Variants in REV1 observed in about 807,000 individuals in gnomAD.
The protein encoded by REV1 is REV1 DNA directed polymerase, also known as translesion synthesis protein REV1.
In REV1, 42 loss-of-function variants were observed where a neutral mutation model predicts 137.4. That is an observed-to-expected ratio of 0.31 (90% confidence interval 0.24 to 0.40). The LOEUF (loss-of-function observed/expected upper bound fraction) is 0.40. REV1 is among the 10% of genes least tolerant of loss of function. The probability of loss-of-function intolerance (pLI) is 1.00; values close to 1 mark genes in which losing one functional copy is unlikely to be tolerated. For synonymous variants in REV1, 524 were observed against 519.2 expected (o/e 1.01, Z -0.12); for missense variants, 1,282 against 1,490.1 (o/e 0.86, Z 2.30).
Position 99,400,759 on chromosome 2 carries a change from A to G in REV1, c.*482T>C, listed in dbSNP as rs1675268784. 6.5e-6 allele frequency: 1 copy of G among 152,690 alleles called. No individual in the cohort carries two copies. Among genetic ancestry groups the G allele is most frequent in the African/African-American group, 2.4e-5 (1 of 41,458 alleles). 9.5% of individuals were successfully genotyped at this position (152,690 alleles called of 1,614,324 possible). On this transcript the variant is annotated 3_prime_UTR_variant, in exon 23 of 23. Coordinates refer to ENST00000258428, the MANE Select transcript of REV1 (RefSeq NM_016316.4). ...AACATGCTCCTGTGTTCATGCTTGG[A>G]GACAAGAATAAGATGGTTTAGAAGC...
At chr2:99,430,005 T>G in intron 8 of REV1, 57 bp from the exon 9 acceptor site, 1 of 1,084,514 alleles carries the variant, frequency 9.2e-7, no homozygotes, top group Non-Finnish European at 1.3e-6. Flanking sequence ...TTCCCTCACT[T>G]TTTCAAGAAA....
chr2:99,463,155 A>G (rs1027695379), intron 2 of REV1, among the ~76,000 whole-genome samples: 1 of 152,114 alleles, frequency 6.6e-6, no homozygotes, highest in Non-Finnish European at 1.5e-5. Flanking sequence ...TTTTCCCTCT[A>G]TCAACTCAAG....
intron 1 of REV1, among the ~76,000 whole-genome samples, chr2:99,489,586 G>A (rs1575285252): frequency 6.7e-6 from 1 of 148,922 alleles, no homozygotes; most frequent in South Asian, 2.1e-4. Context: ...GGGGAGGGGA[G>A]GTCACACATT....
intron 1 of REV1, among the ~76,000 whole-genome samples, chr2:99,481,170 AAT>A (rs1445884484): frequency 1.3e-5 from 2 of 152,196 alleles, no homozygotes; most frequent in African/African-American, 4.8e-5. Context: ...CCTACCCATA[AAT>A]ATCTCACTTC....
intron 1 of REV1, among the ~76,000 whole-genome samples, chr2:99,474,495 T>C (rs1004115969): frequency 2.0e-5 from 3 of 152,214 alleles, no homozygotes; most frequent in Admixed American, 6.5e-5. Context: ...AGATGCTTCT[T>C]CACCAGGTAA....
intron 9 of REV1, among the ~76,000 whole-genome samples, chr2:99,425,295 G>T (rs1679194777): frequency 6.6e-6 from 1 of 152,214 alleles, no homozygotes; most frequent in African/African-American, 2.4e-5. Context: ...AGCAGTAGAT[G>T]CAAAATCACA....
At chr2:99,422,618 T>C (rs909756688) in intron 10 of REV1, among the ~76,000 whole-genome samples, 1 of 152,214 alleles carries the variant, frequency 6.6e-6, no homozygotes, top group African/African-American at 2.4e-5. Context: ...GTATTTTGCT[T>C]CAGAGTGAAA....
At chr2:99,419,205 ATT>A (rs774732084) in intron 11 of REV1, among the ~76,000 whole-genome samples, 44 of 115,992 alleles carry the variant, frequency 3.8e-4, no homozygotes, top group African/African-American at 4.9e-4. Context: ...AGCAGTCCTG[ATT>A]TTTTTTTTTT....
intron 4 of REV1, among the ~76,000 whole-genome samples, chr2:99,443,201 A>T (rs1490100161): frequency 1.3e-5 from 2 of 152,246 alleles, no homozygotes; most frequent in Non-Finnish European, 2.9e-5. Flanking sequence ...ATTTAAAAAT[A>T]ACCAATCAAT....
chr2:99,434,273 A>G (rs1354537502), intron 8 of REV1, 59 bp downstream of exon 8: 8 of 1,104,536 alleles, frequency 7.2e-6, no homozygotes, highest in Non-Finnish European at 3.9e-6. Flanking sequence ...CATGCCAAAT[A>G]GCAAAATCCA....
chr2:99,452,770 C>A (rs1165896856), intron 3 of REV1, among the ~76,000 whole-genome samples: 1 of 152,188 alleles, frequency 6.6e-6, no homozygotes, highest in African/African-American at 2.4e-5. Flanking sequence ...CACCCTCCAG[C>A]AAAAGTGGAG....
intron 1 of REV1, among the ~76,000 whole-genome samples, chr2:99,476,553 C>CAATAATAAT (rs35637032): frequency 6.7e-6 from 1 of 149,486 alleles, no homozygotes; most frequent in Non-Finnish European, 1.5e-5. Context: ...AAGAATCTGT[C>CAATAATAAT]AATAATAATA....
rs148052685 is a variant in REV1, at chr2:99,435,854, C to T, written c.1301G>A (p.Arg434Gln). 3.2e-4 allele frequency: 502 copies of T among 1,590,398 alleles called. 1 individual carries two copies. The highest frequency in any genetic ancestry group is 4.2e-4 in the Non-Finnish European group (483 of 1,160,258). The change falls in exon 7 of 23, where the codon CGA (arginine) becomes CAA (glutamine). Residue 434 changes from arginine to glutamine, a missense_variant. Physicochemically the swap from Arg to Gln is conservative, Grantham distance 43. Transcript: ENST00000258428. Reference sequence around the variant, plus strand: ...CAGACCTTTGAGATCTGGTCTATTTCGTATACCCACTGATACAAAGAAGCA... The same window carrying T: ...CAGACCTTTGAGATCTGGTCTATTTTGTATACCCACTGATACAAAGAAGCA... ...MDCFFVSVGI[R>Q]NRPDLKGKPV...
At chr2:99,477,864 A>G (rs1023116357) in intron 1 of REV1, among the ~76,000 whole-genome samples, 28 of 152,314 alleles carry the variant, frequency 1.8e-4, no homozygotes, top group African/African-American at 3.4e-4. Flanking sequence ...TTCCTGAAAC[A>G]ACGACTAATG....
chr2:99,434,169 C>A (rs1559340128), intron 8 of REV1, among the ~76,000 whole-genome samples, 163 bp downstream of exon 8: 3 of 152,130 alleles, frequency 2.0e-5, no homozygotes, highest in Admixed American at 2.0e-4. Context: ...GAAAATATCA[C>A]CCTCCAATTC....
intron 3 of REV1, among the ~76,000 whole-genome samples, chr2:99,452,893 C>T (rs1164398833): frequency 1.3e-5 from 2 of 152,222 alleles, no homozygotes; most frequent in Non-Finnish European, 2.9e-5. Flanking sequence ...TGACTAAGGT[C>T]AAATCCTGGC....
At chr2:99,410,254 A>T (rs751951931) in intron 14 of REV1, among the ~76,000 whole-genome samples, 10 of 152,158 alleles carry the variant, frequency 6.6e-5, no homozygotes, top group Non-Finnish European at 1.2e-4. Context: ...CAAGTGATCC[A>T]GCTGCCTCAG....
At chr2:99,434,870 T>C (rs757669614) in intron 7 of REV1, among the ~76,000 whole-genome samples, 6 of 152,090 alleles carry the variant, frequency 3.9e-5, no homozygotes, top group African/African-American at 1.4e-4. Flanking sequence ...AGAAACTAAA[T>C]ACATATGCAT....
chr2:99,458,703 T>C (rs1437568512), intron 3 of REV1, among the ~76,000 whole-genome samples: 1 of 152,058 alleles, frequency 6.6e-6, no homozygotes, highest in Non-Finnish European at 1.5e-5. Flanking sequence ...AACTGAACAA[T>C]AAAAAGGCAA....
Sources: allele counts gnomAD v4.1 joint callset (sites outside exome capture counted in the v4.1 genomes callset), GRCh38; gene constraint gnomAD v4.1.1; transcripts MANE v1.5; gene names NCBI Gene and HGNC (gene_info 2026-07-23, HGNC 2026-07-21).